Variants in ADAMTS12 observed in about 807,000 individuals in gnomAD.
ADAMTS12 encodes ADAM metallopeptidase with thrombospondin type 1 motif 12.
A neutral mutation model predicts 167.8 loss-of-function variants in ADAMTS12; 118 were observed. The observed-to-expected ratio is 0.70, with a 90% CI of 0.61 to 0.82. The LOEUF (loss-of-function observed/expected upper bound fraction) is 0.82, where lower values mean the gene tolerates loss of function less well. Ranked by LOEUF, ADAMTS12 falls within the 40% of genes least tolerant of loss-of-function variation. ADAMTS12 has a pLI of 0.00. For synonymous variants in ADAMTS12, 704 were observed against 716.9 expected (o/e 0.98, Z 0.29); for missense variants, 1,916 against 1,998.8 (o/e 0.96, Z 0.79).
chr5:33,579,492 A>C (rs1746942781), intron 18 of ADAMTS12, among the ~76,000 whole-genome samples: 1 of 151,790 alleles, frequency 6.6e-6, no homozygotes, highest in Non-Finnish European at 1.5e-5. Flanking sequence ...GTTTGTTTTG[A>C]CTTGAAATGT....
intron 20 of ADAMTS12, among the ~76,000 whole-genome samples, chr5:33,550,423 G>C (rs931356407): frequency 2.6e-5 from 4 of 152,184 alleles, no homozygotes; most frequent in African/African-American, 9.7e-5. Flanking sequence ...GGCCTGACCA[G>C]TCTTGTTACT....
chr5:33,577,089 G>A lies in ADAMTS12; in HGVS notation c.2937C>T (p.Cys979=), dbSNP rs944632546. 1.4e-5 allele frequency: 23 copies of A among 1,614,022 alleles called. No individual in the cohort carries two copies. The African/African-American group carries it at 1.5e-4, about 10-fold the overall frequency. Reference sequence around the variant, plus strand: ...GGCTGTTGGGTTTCCTTGTCACATCGCAAGGTTCATCATGGTTCTTGGCAC... The same window carrying A: ...GGCTGTTGGGTTTCCTTGTCACATCACAAGGTTCATCATGGTTCTTGGCAC... ...VTCAKNHDEP[C]DVTRKPNSRA... is the part of the protein sequence containing the mutation. The change falls in exon 19 of 24, where the codon TGC becomes TGT. Residue 979 remains cysteine (C), a synonymous_variant. Coordinates refer to ENST00000504830, the MANE Select transcript of ADAMTS12 (RefSeq NM_030955.4).
chr5:33,626,735 A>ATGG (rs1330204298), intron 13 of ADAMTS12, among the ~76,000 whole-genome samples: 2 of 107,476 alleles, frequency 1.9e-5, no homozygotes, highest in African/African-American at 3.6e-5. Context: ...TTTGATGGTA[A>ATGG]TGGTGGTGGT....
At chr5:33,695,264 C>T (rs939343468) in intron 3 of ADAMTS12, among the ~76,000 whole-genome samples, 6 of 152,308 alleles carry the variant, frequency 3.9e-5, no homozygotes, top group African/African-American at 1.4e-4. Flanking sequence ...TCCTCACCCT[C>T]ACCTTGTGAA....
intron 2 of ADAMTS12, 91 bp downstream of exon 2, chr5:33,881,028 C>T (rs1750415633): frequency 1.3e-6 from 2 of 1,524,258 alleles, no homozygotes; most frequent in African/African-American, 1.4e-5. Context: ...TCCCATATGT[C>T]AGTGCATCTG....
chr5:33,623,521 G>T (rs1245597543), intron 14 of ADAMTS12, among the ~76,000 whole-genome samples: 3 of 152,198 alleles, frequency 2.0e-5, no homozygotes, highest in African/African-American at 7.2e-5. Flanking sequence ...CCTTGAAGGT[G>T]AACTCTTCAT....
chr5:33,741,037 C>T (rs1732000152), intron 3 of ADAMTS12, among the ~76,000 whole-genome samples: 1 of 152,246 alleles, frequency 6.6e-6, no homozygotes, highest in African/African-American at 2.4e-5. Flanking sequence ...CCTTGTGTGG[C>T]CCCTCTAGTC....
At chr5:33,528,365 T>G (rs1743921864) in intron 23 of ADAMTS12, among the ~76,000 whole-genome samples, 1 of 152,106 alleles carries the variant, frequency 6.6e-6, no homozygotes, top group South Asian at 2.1e-4. Flanking sequence ...AAATCGCCAC[T>G]AAGGAACGTG....
intron 5 of ADAMTS12, among the ~76,000 whole-genome samples, chr5:33,679,199 T>C (rs1035612673): frequency 6.6e-6 from 1 of 152,230 alleles, no homozygotes; most frequent in African/African-American, 2.4e-5. Context: ...CAGTGATATG[T>C]CCACTGCCTC....
chr5:33,648,908 C>T lies in ADAMTS12; in HGVS notation c.1393G>A (p.Val465Ile). The T allele has an allele frequency of 6.2e-7, 1 of 1,614,050 alleles. No homozygotes were observed. The stretch of plus-strand genomic sequence containing the variant: ...TCATAGATCACTCCGGGGGCAATGA[C>T]CTTGGACTTCAAGCCTTTCTTTTTA... ...IPKKKGLKSK[V>I]IAPGVIYDVH... The change falls in exon 9 of 24, where the codon GTC becomes ATC. Residue 465 changes from valine to isoleucine, a missense_variant. By Grantham distance (29) the Val-to-Ile change is conservative (BLOSUM62 3). Transcript: ENST00000504830.
intron 2 of ADAMTS12, among the ~76,000 whole-genome samples, chr5:33,826,032 G>C (rs1748054973): frequency 6.6e-6 from 1 of 152,260 alleles, no homozygotes; most frequent in East Asian, 1.9e-4. Context: ...CACATCATTT[G>C]ACTTCGTTAT....
intron 3 of ADAMTS12, among the ~76,000 whole-genome samples, chr5:33,692,917 T>C (rs145570961): frequency 3.3e-5 from 5 of 152,354 alleles, no homozygotes; most frequent in African/African-American, 1.2e-4. Context: ...GAACTGAAGG[T>C]ACCAAGGTTT....
At chr5:33,623,191 C>T (rs554663697) in intron 14 of ADAMTS12, among the ~76,000 whole-genome samples, 2 of 152,304 alleles carry the variant, frequency 1.3e-5, no homozygotes, top group South Asian at 4.1e-4. Flanking sequence ...GCTTTACCAT[C>T]TCTCAAAGTG....
chr5:33,721,066 T>G (rs948432142), intron 3 of ADAMTS12, among the ~76,000 whole-genome samples: 1 of 152,166 alleles, frequency 6.6e-6, no homozygotes, highest in African/African-American at 2.4e-5. Flanking sequence ...CAACCACATC[T>G]AATAGTATGG....
chr5:33,568,433 A>G (rs551980257), intron 19 of ADAMTS12, among the ~76,000 whole-genome samples: 1 of 152,350 alleles, frequency 6.6e-6, no homozygotes, highest in Non-Finnish European at 1.5e-5. Flanking sequence ...ATTACTTTAT[A>G]TAAAAGAATT....
intron 2 of ADAMTS12, among the ~76,000 whole-genome samples, chr5:33,790,816 T>TATATATA (rs1746535211): frequency 6.7e-6 from 1 of 148,520 alleles, no homozygotes; most frequent in African/African-American, 2.5e-5. Context: ...TATATGCATG[T>TATATATA]TGATATATAT....
intron 2 of ADAMTS12, among the ~76,000 whole-genome samples, chr5:33,776,606 C>T (rs767571277): frequency 2.0e-5 from 3 of 151,978 alleles, no homozygotes; most frequent in Non-Finnish European, 4.4e-5. Flanking sequence ...CAATAAACGC[C>T]TCCATTAAGG....
Position 33,576,521 on chromosome 5 carries a change from T to G in ADAMTS12, c.3505A>C (p.Lys1169Gln). The change falls in exon 19 of 24, where the codon AAA becomes CAA. Residue 1169 changes from lysine to glutamine, a missense_variant. By Grantham distance (53) the Lys-to-Gln change is moderately conservative. Transcript: ENST00000504830. ...CATATTACAGGATTGCTTTCATCTTTGTCCTCAGGCTGTTCTCTTTCTTCC... is the reference window on the plus strand; with the variant it reads ...CATATTACAGGATTGCTTTCATCTTGGTCCTCAGGCTGTTCTCTTTCTTCC... ...SGEEREQPED[K>Q]DESNPVIWTK... The G allele has an allele frequency of 6.2e-7, 1 of 1,612,572 alleles. No homozygotes were observed. Among genetic ancestry groups the G allele is most frequent in the Non-Finnish European group, 8.5e-7 (1 of 1,179,352 alleles).
chr5:33,580,217 A>G (rs1234024079), intron 18 of ADAMTS12, among the ~76,000 whole-genome samples: 1 of 152,198 alleles, frequency 6.6e-6, no homozygotes, highest in Non-Finnish European at 1.5e-5. Flanking sequence ...AATACCAGAC[A>G]GGGAAATTTA....
Sources: allele counts gnomAD v4.1 joint callset (sites outside exome capture counted in the v4.1 genomes callset), GRCh38; gene constraint gnomAD v4.1.1; transcripts MANE v1.5; gene names NCBI Gene and HGNC (gene_info 2026-07-23, HGNC 2026-07-21).